Variants in USP26 observed in about 807,000 individuals in gnomAD.
USP26 encodes the protein ubiquitin specific peptidase 26.
For missense variants in USP26, 649 were observed against 642.3 expected (o/e 1.01, Z -0.11); for synonymous variants, 236 against 240.6 (o/e 0.98, Z 0.18).
At chrX:133,062,530 G>A (rs1225668088) in intron 5 of USP26, among the ~76,000 whole-genome samples, 1 of 111,940 alleles carries the variant, frequency 8.9e-6, no homozygotes, top group African/African-American at 3.2e-5. Flanking sequence ...CAACAGGCCG[G>A]CACCCTTCTG....
intron 5 of USP26, among the ~76,000 whole-genome samples, chrX:133,061,317 G>C (rs1255744294): frequency 1.8e-5 from 2 of 112,492 alleles, no homozygotes; most frequent in African/African-American, 6.5e-5. Flanking sequence ...AGTCTTTCAT[G>C]AAAGCTCCAA....
intron 5 of USP26, among the ~76,000 whole-genome samples, chrX:133,044,809 T>C (rs1031189363): frequency 8.8e-6 from 1 of 113,509 alleles, no homozygotes; most frequent in East Asian, 2.8e-4. Context: ...GCAGCCCCAG[T>C]GTGGGATCCA....
chrX:133,037,586 T>A lies in USP26; in HGVS notation c.-76-9290A>T, dbSNP rs760650016. Reference sequence around the variant, plus strand: ...TGTTTTGGTTACTGTAGCCTTGTAGTATAGTTTGAACTCAGGTAGCATGAT... The same window carrying A: ...TGTTTTGGTTACTGTAGCCTTGTAGAATAGTTTGAACTCAGGTAGCATGAT... On this transcript the variant is annotated intron_variant, in intron 5 of 5. Transcript: ENST00000511190. 5.3e-5 allele frequency among the ~76,000 whole-genome samples: 6 copies of A among 112,356 alleles called. No individual in the cohort carries two copies. The East Asian group carries it at 1.7e-3, about 31-fold the overall frequency.
chrX:133,066,227 A>G (rs1027430966), intron 5 of USP26, among the ~76,000 whole-genome samples: 6 of 111,827 alleles, frequency 5.4e-5, no homozygotes, highest in African/African-American at 1.6e-4. Flanking sequence ...ATCAGAGAGG[A>G]CACAAATAAA....
In USP26 at chrX:133,024,080, C is replaced by A. The variant is rs2067335486; in HGVS notation, c.*1399G>T. Among the ~76,000 whole-genome samples, 1 of 111,173 alleles carries A rather than the reference C, an allele frequency of 9.0e-6. No homozygotes were observed. The highest frequency in any genetic ancestry group is 3.3e-5 in the African/African-American group (1 of 30,574). On this transcript the variant is annotated 3_prime_UTR_variant, in exon 6 of 6. Transcript: ENST00000511190. Reference sequence around the variant, plus strand: ...ATGCTTGATGGCAAAATTATTAAATCCCCTGGATTTTAATGAAATATGACC... The same window carrying A: ...ATGCTTGATGGCAAAATTATTAAATACCCTGGATTTTAATGAAATATGACC...
chrX:133,085,481 G>A (rs144074649), intron 4 of USP26, among the ~76,000 whole-genome samples: 298 of 111,548 alleles, frequency 2.7e-3, no homozygotes, highest in Middle Eastern at 4.6e-3. Flanking sequence ...TCCTACAACT[G>A]GTCTGCATCA....
chrX:133,033,817 T>C (rs2067386696), intron 5 of USP26, among the ~76,000 whole-genome samples: 1 of 112,130 alleles, frequency 8.9e-6, no homozygotes, highest in South Asian at 3.7e-4. Context: ...TATCCAAACA[T>C]GAAGCAGTAA....
At chrX:133,050,125 T>C (rs898866184) in intron 5 of USP26, among the ~76,000 whole-genome samples, 13 of 112,242 alleles carry the variant, frequency 1.2e-4, no homozygotes, top group Non-Finnish European at 2.1e-4. Flanking sequence ...CCAAGGTTAT[T>C]TGCACACTTT....
intron 5 of USP26, among the ~76,000 whole-genome samples, chrX:133,058,707 T>C (rs2148532036): frequency 8.9e-6 from 1 of 112,262 alleles, no homozygotes; most frequent in East Asian, 2.8e-4. Context: ...TGGCAGTCTT[T>C]TTTAATCTAC....
chrX:133,037,214 A>G (rs1419080101), intron 5 of USP26, among the ~76,000 whole-genome samples: 1 of 111,953 alleles, frequency 8.9e-6, no homozygotes, highest in Non-Finnish European at 1.9e-5. Context: ...TTTTGTTGCA[A>G]TTGCTTTTGG....
chrX:133,051,075 C>CT (rs964791359), intron 5 of USP26, among the ~76,000 whole-genome samples: 2 of 111,449 alleles, frequency 1.8e-5, no homozygotes, highest in African/African-American at 6.5e-5. Flanking sequence ...TTGGCAGGTA[C>CT]TAGAGGTTTG....
intron 5 of USP26, among the ~76,000 whole-genome samples, chrX:133,037,855 T>C (rs756970233): frequency 3.6e-5 from 4 of 111,606 alleles, no homozygotes; most frequent in African/African-American, 6.5e-5. Flanking sequence ...CCTTGAACAG[T>C]GGTTTGTAGT....
rs2067346494 is a variant in USP26, at chrX:133,026,075, G to A, written c.2146C>T (p.Pro716Ser). 8.3e-7 allele frequency: 1 copy of A among 1,207,916 alleles called. No homozygotes were observed. ...KFVAFDRIINPTKDLYEDKNI... is the reference protein window; with the variant it reads ...KFVAFDRIINSTKDLYEDKNI... ...TTATCTTCATACAAATCTTTAGTAGGATTGATAATCCTATCAAAAGCTACA... is the reference window on the plus strand; with the variant it reads ...TTATCTTCATACAAATCTTTAGTAGAATTGATAATCCTATCAAAAGCTACA... The change falls in exon 6 of 6, where the codon CCT becomes TCT. Residue 716 changes from proline (P) to serine (S), a missense_variant. Coordinates refer to ENST00000511190, the MANE Select transcript of USP26 (RefSeq NM_031907.3).
intron 5 of USP26, among the ~76,000 whole-genome samples, chrX:133,044,034 CA>C (rs772741006): frequency 1.4e-4 from 16 of 112,562 alleles, no homozygotes; most frequent in African/African-American, 5.2e-4. Flanking sequence ...CAATTTCTGT[CA>C]AAAAGCTCAG....
rs142932858 is a variant in USP26, at chrX:133,065,555, G to C, written c.-77+18152C>G. ...GATCACATCAGCTTCACCCTGGGAT[G>C]CAAGGCTAGTTCAATATACCCAAAA... On this transcript the variant is annotated intron_variant, in intron 5 of 5. Coordinates refer to ENST00000511190, the MANE Select transcript of USP26 (RefSeq NM_031907.3). Among the ~76,000 whole-genome samples the C allele has an allele frequency of 2.7e-5, 3 of 112,047 alleles. No individual in the cohort carries two copies. The Admixed American group carries it at 2.8e-4, about 11-fold the overall frequency.
At chrX:133,043,751 G>GA (rs989449180) in intron 5 of USP26, among the ~76,000 whole-genome samples, 2 of 111,043 alleles carry the variant, frequency 1.8e-5, no homozygotes, top group African/African-American at 3.3e-5. Flanking sequence ...ACGAAAAATA[G>GA]AAAAAAAATA....
intron 1 of USP26, among the ~76,000 whole-genome samples, chrX:133,095,250 C>T (rs1452990698): frequency 9.0e-6 from 1 of 110,974 alleles, no homozygotes; most frequent in African/African-American, 3.3e-5. Context: ...GGACTAGGAC[C>T]CACATTTAAT....
At chrX:133,075,916 T>G (rs1488100059) in intron 5 of USP26, among the ~76,000 whole-genome samples, 2 of 111,917 alleles carry the variant, frequency 1.8e-5, no homozygotes, top group African/African-American at 3.2e-5. Context: ...TGCATTAGTC[T>G]ATTAAATCCT....
At chrX:133,057,056 A>G (rs750835347) in intron 5 of USP26, among the ~76,000 whole-genome samples, 1 of 110,605 alleles carries the variant, frequency 9.0e-6, no homozygotes, top group South Asian at 4.0e-4. Flanking sequence ...CTCCTGATCA[A>G]TCACTATTCA....
Sources: allele counts gnomAD v4.1 joint callset (sites outside exome capture counted in the v4.1 genomes callset), GRCh38; gene constraint gnomAD v4.1.1; transcripts MANE v1.5; gene names NCBI Gene and HGNC (gene_info 2026-07-23, HGNC 2026-07-21).